EVL: variants seen among roughly 807,000 people sequenced by gnomAD.
EVL encodes the protein Enah/Vasp-like, also known as ena/VASP-like protein.
Under a neutral mutation model 59.6 loss-of-function variants are expected in EVL, and 21 were observed. The ratio of observed to expected loss-of-function variants is 0.35; its 90% confidence interval spans 0.25 to 0.51. The LOEUF (loss-of-function observed/expected upper bound fraction) is 0.51. EVL is among the 20% of genes least tolerant of loss of function. EVL has a pLI of 0.97. For synonymous variants in EVL, 198 were observed against 203.5 expected (o/e 0.97, Z 0.23); for missense variants, 462 against 546.6 (o/e 0.85, Z 1.54).
chr14:100,023,262 C>T (rs1477779717), intron 1 of EVL, among the ~76,000 whole-genome samples: 3 of 149,008 alleles, frequency 2.0e-5, no homozygotes, highest in Non-Finnish European at 3.0e-5. Context: ...TGGCGTGCAG[C>T]GGCAGGATCT....
At chr14:100,015,796 C>CTATTTTT (rs2140196110) in intron 1 of EVL, among the ~76,000 whole-genome samples, 1 of 152,282 alleles carries the variant, frequency 6.6e-6, no homozygotes, top group African/African-American at 2.4e-5. Context: ...ATTGGCTGGG[C>CTATTTTT]ACAGTGGCTC....
chr14:100,132,616 A>T, intron 7 of EVL, 103 bp from the exon 8 acceptor site: 1 of 1,299,554 alleles, frequency 7.7e-7, no homozygotes, highest in African/African-American at 1.5e-5. Context: ...ACACAGGTTT[A>T]TCTGAGGACC....
At chr14:100,041,613 G>A (rs1032216096) in intron 1 of EVL, among the ~76,000 whole-genome samples, 25 of 152,160 alleles carry the variant, frequency 1.6e-4, no homozygotes, top group African/African-American at 6.0e-4. Flanking sequence ...CTCAGTAAAT[G>A]TCTTTTAAGA....
chr14:100,133,783 C>T (rs1462164124), intron 8 of EVL, among the ~76,000 whole-genome samples: 1 of 152,124 alleles, frequency 6.6e-6, no homozygotes, highest in African/African-American at 2.4e-5. Context: ...ACTAAAAATA[C>T]AAAATTAGCG....
chr14:99,979,004 A>G (rs1445994601), intron 1 of EVL, among the ~76,000 whole-genome samples: 1 of 152,190 alleles, frequency 6.6e-6, no homozygotes, highest in Admixed American at 6.5e-5. Context: ...TATTTTCTAG[A>G]CTACTGCCTG....
chr14:100,072,324 T>C (rs943882952), intron 1 of EVL, among the ~76,000 whole-genome samples: 1 of 152,204 alleles, frequency 6.6e-6, no homozygotes, highest in Non-Finnish European at 1.5e-5. Flanking sequence ...TCCCTGTGCC[T>C]CCTGGGTTCA....
At chr14:100,001,474 G>A (rs1053118577) in intron 1 of EVL, among the ~76,000 whole-genome samples, 1 of 152,132 alleles carries the variant, frequency 6.6e-6, no homozygotes, top group African/African-American at 2.4e-5. Flanking sequence ...ACAAATCATG[G>A]TAGGACTGAT....
At position 100,041,119 on chromosome 14, in the gene EVL, G is replaced by A. The variant is rs545839704; in HGVS notation, c.6-43568G>A. 4.6e-5 allele frequency among the ~76,000 whole-genome samples: 7 copies of A among 152,250 alleles called. No individual in the cohort carries two copies. In the South Asian group the frequency reaches 1.5e-3, roughly 32 times the overall value. On this transcript the variant is annotated intron_variant, in intron 1 of 13. Coordinates refer to the EVL transcript ENST00000402714. Reference sequence around the variant, plus strand: ...ACAGTGGCATTGTTGATACAATATGGTTATTGTTAACAATAAGTGTTCCTC... The same window carrying A: ...ACAGTGGCATTGTTGATACAATATGATTATTGTTAACAATAAGTGTTCCTC...
chr14:100,090,356 T>C (rs1006698523), intron 2 of EVL, among the ~76,000 whole-genome samples: 2 of 152,194 alleles, frequency 1.3e-5, no homozygotes, highest in Non-Finnish European at 2.9e-5. Context: ...GATGGACATA[T>C]TCCTTGAAAA....
chr14:100,128,583 TCCACCGCCCCCC>T lies in EVL; in HGVS notation c.558_569del (p.Pro188_Pro191del). On this transcript the variant is annotated inframe_deletion, in exon 6 of 14. Transcript: ENST00000392920. ...GCGCCCCCGTCTCATGTAGTGGGCC[TCCACCGCCCCCC>T]CCACCCCCAGTCCCACCTCCACCCA... is the stretch of plus-strand genomic sequence containing the variant. 1 of 1,579,746 alleles carries T rather than the reference TCCACCGCCCCCC, an allele frequency of 6.3e-7. No homozygotes were observed. Among genetic ancestry groups the T allele is most frequent in the Non-Finnish European group, 8.7e-7 (1 of 1,155,608 alleles).
At chr14:100,044,095 G>A (rs189928103) in intron 1 of EVL, among the ~76,000 whole-genome samples, 19 of 152,292 alleles carry the variant, frequency 1.2e-4, no homozygotes, top group African/African-American at 4.6e-4. Flanking sequence ...CACTTTACCT[G>A]CTCTCTAGGT....
intron 1 of EVL, among the ~76,000 whole-genome samples, chr14:99,998,841 C>T (rs1371558462): frequency 8.5e-5 from 13 of 152,054 alleles, no homozygotes; most frequent in Admixed American, 8.5e-4. Context: ...CCATTTTGCT[C>T]AGGAGGAAAT....
chr14:100,010,594 G>A (rs1201269921), intron 1 of EVL, among the ~76,000 whole-genome samples: 18 of 152,000 alleles, frequency 1.2e-4, no homozygotes, highest in African/African-American at 3.6e-4. Flanking sequence ...ACAGGGTTTC[G>A]CCATGTTGGC....
intron 3 of EVL, chr14:100,106,635 T>C (rs1886590096): frequency 5.1e-6 from 2 of 393,388 alleles, no homozygotes; most frequent in Non-Finnish European, 4.5e-6. Context: ...GGTTATGTAA[T>C]CTATGAATTT....
At chr14:100,084,177 G>A (rs759131519) in intron 1 of EVL, among the ~76,000 whole-genome samples, 4 of 151,220 alleles carry the variant, frequency 2.6e-5, no homozygotes, top group Non-Finnish European at 5.9e-5. Context: ...TCAGCCTCCC[G>A]AGTAGCTAGG....
intron 3 of EVL, among the ~76,000 whole-genome samples, chr14:100,122,328 GC>G (rs1437468176): frequency 6.6e-6 from 1 of 152,208 alleles, no homozygotes; most frequent in African/African-American, 2.4e-5. Context: ...AAGACCTTGG[GC>G]AAGCCATTTA....
intron 1 of EVL, among the ~76,000 whole-genome samples, chr14:100,034,234 C>CA (rs548491187): frequency 0.1 from 9,154 of 90,648 alleles, 1,094 homozygotes; most frequent in African/African-American, 0.3. Context: ...GAATCTGTCT[C>CA]AAAAAAAAAA....
At chr14:100,125,253 TACACACACACACACACACAC>T (rs34556561) in intron 4 of EVL, among the ~76,000 whole-genome samples, 2 of 119,564 alleles carry the variant, frequency 1.7e-5, no homozygotes, top group South Asian at 2.9e-4. Context: ...AAGGCAGGAA[TACACACACACACACACACAC>T]ACACACACAC....
chr14:100,103,027 G>A lies in EVL; in HGVS notation c.358+5369G>A, dbSNP rs573747686. Among the ~76,000 whole-genome samples, 8 of 151,160 alleles carry A rather than the reference G, an allele frequency of 5.3e-5. No individual in the cohort carries two copies. In the East Asian group the frequency reaches 7.8e-4, roughly 15 times the overall value. On this transcript the variant is annotated intron_variant, in intron 3 of 13. Coordinates refer to ENST00000392920, the MANE Select transcript of EVL (RefSeq NM_016337.3). The stretch of plus-strand genomic sequence containing the variant: ...TGAGGCAGGAGAATCGCTTGAACCC[G>A]GAAGAAAAAGGTTGCAGTGAGCCGA...
Sources: gnomAD v4.1 joint callset for allele counts (sites outside exome capture counted in the v4.1 genomes callset) on GRCh38, gnomAD v4.1.1 for gene constraint, MANE v1.5 for transcripts, NCBI Gene and HGNC (gene_info 2026-07-23, HGNC 2026-07-21) for gene names.